The following CPNE8 variants were observed in gnomAD, a reference collection of about 807,000 sequenced individuals.
CPNE8 encodes the protein copine-8.
Under a neutral mutation model 81.5 loss-of-function variants are expected in CPNE8, and 45 were observed. The observed-to-expected ratio is 0.55, with a 90% CI of 0.44 to 0.71. The LOEUF (loss-of-function observed/expected upper bound fraction) is 0.71, where lower values mean the gene tolerates loss of function less well. Among genes scored for constraint, CPNE8 ranks in the 30% least tolerant of loss-of-function variants. The pLI, the probability that CPNE8 is intolerant of heterozygous loss-of-function variation, is 0.00. For synonymous variants in CPNE8, 252 were observed against 226.3 expected (o/e 1.11, Z -1.02); for missense variants, 594 against 672.1 (o/e 0.88, Z 1.28).
chr12:38,736,272 T>C (rs1024481000), intron 10 of CPNE8, among the ~76,000 whole-genome samples: 2 of 150,972 alleles, frequency 1.3e-5, no homozygotes, highest in African/African-American at 2.4e-5. Context: ...TAAATTTTAG[T>C]ATGTTAATAT....
chr12:38,781,786 C>T (rs1592083133), intron 6 of CPNE8, among the ~76,000 whole-genome samples: 1 of 152,178 alleles, frequency 6.6e-6, no homozygotes, highest in East Asian at 1.9e-4. Flanking sequence ...GAGAAAGACA[C>T]TTCACTCCTG....
At chr12:38,789,148 A>C (rs986180383) in intron 6 of CPNE8, among the ~76,000 whole-genome samples, 18 of 151,986 alleles carry the variant, frequency 1.2e-4, no homozygotes, top group African/African-American at 4.3e-4. Flanking sequence ...AGCCAAAACT[A>C]TCCTAAGCAA....
At chr12:38,813,954 C>T (rs1376259622) in intron 6 of CPNE8, among the ~76,000 whole-genome samples, 2 of 151,916 alleles carry the variant, frequency 1.3e-5, no homozygotes, top group Admixed American at 6.6e-5. Flanking sequence ...GTACATGACA[C>T]GGAGGAGGTC....
chr12:38,769,505 T>G (rs1941756540), intron 7 of CPNE8, among the ~76,000 whole-genome samples: 1 of 152,202 alleles, frequency 6.6e-6, no homozygotes, highest in Admixed American at 6.5e-5. Context: ...TTTGGTTTAG[T>G]TTGTTTATTT....
In CPNE8 at chr12:38,693,806, T is replaced by C; in HGVS notation, c.994A>G (p.Met332Val). The C allele has an allele frequency of 1.9e-6, 3 of 1,612,676 alleles. No homozygotes were observed. The highest frequency in any genetic ancestry group is 2.5e-6 in the Non-Finnish European group (3 of 1,179,360). ...NPAQPTSLHY[M>V]NPYQLNAYGM... ...TAGGCATTCAGTTGGTAAGGATTCA[T>C]GTAGTGGAGGGAAGTGGGCTGAGCA... The change falls in exon 15 of 20, where the codon ATG becomes GTG. Residue 332 changes from methionine (M) to valine (V), a missense_variant. Transcript: ENST00000331366.
intron 15 of CPNE8, among the ~76,000 whole-genome samples, chr12:38,686,117 C>T (rs546748588): frequency 6.6e-6 from 1 of 152,182 alleles, no homozygotes; most frequent in East Asian, 1.9e-4. Context: ...GAAATAAATG[C>T]TATCAATTCA....
intron 13 of CPNE8, among the ~76,000 whole-genome samples, chr12:38,715,142 G>A (rs1940355486): frequency 6.6e-6 from 1 of 152,048 alleles, no homozygotes; most frequent in African/African-American, 2.4e-5. Flanking sequence ...TTATTTCTGT[G>A]AATTTAATTG....
At chr12:38,810,349 GC>G (rs1286869214) in intron 6 of CPNE8, among the ~76,000 whole-genome samples, 1 of 152,154 alleles carries the variant, frequency 6.6e-6, no homozygotes, top group South Asian at 2.1e-4. Context: ...TTTTCAAAGA[GC>G]CTTTTGTGCA....
intron 1 of CPNE8, among the ~76,000 whole-genome samples, chr12:38,879,761 G>A (rs533385530): frequency 6.6e-6 from 1 of 152,126 alleles, no homozygotes; most frequent in South Asian, 2.1e-4. Context: ...AATAGTTTCA[G>A]AGTAAAGGCA....
chr12:38,808,085 T>A (rs201067651), intron 6 of CPNE8, among the ~76,000 whole-genome samples: 1 of 151,888 alleles, frequency 6.6e-6, no homozygotes, highest in Non-Finnish European at 1.5e-5. Flanking sequence ...ATGGCAATCA[T>A]TAAAAAGTCA....
chr12:38,740,767 A>G (rs1298409057), intron 10 of CPNE8, among the ~76,000 whole-genome samples: 2 of 152,150 alleles, frequency 1.3e-5, no homozygotes, highest in Admixed American at 6.5e-5. Flanking sequence ...ATAAGCTTTT[A>G]GATGTGCTGC....
At chr12:38,818,694 T>A (rs1333613110) in intron 6 of CPNE8, among the ~76,000 whole-genome samples, 1 of 152,200 alleles carries the variant, frequency 6.6e-6, no homozygotes, top group Non-Finnish European at 1.5e-5. Flanking sequence ...TCTAGATCTT[T>A]TAGGAATCCC....
chr12:38,856,374 T>G (rs1329657974), intron 3 of CPNE8, among the ~76,000 whole-genome samples: 1 of 152,118 alleles, frequency 6.6e-6, no homozygotes, highest in African/African-American at 2.4e-5. Flanking sequence ...AGCATTATCA[T>G]CATACCAAAG....
At chr12:38,662,470 A>C (rs946984261) in intron 19 of CPNE8, among the ~76,000 whole-genome samples, 3 of 152,186 alleles carry the variant, frequency 2.0e-5, no homozygotes, top group African/African-American at 7.2e-5. Flanking sequence ...TAAAAACTAT[A>C]AACCACTGAT....
intron 19 of CPNE8, among the ~76,000 whole-genome samples, chr12:38,654,837 C>G (rs1373861943): frequency 3.3e-5 from 5 of 151,980 alleles, no homozygotes; most frequent in Non-Finnish European, 7.4e-5. Context: ...TGAGTATTAC[C>G]CAATTCAGGG....
chr12:38,717,090 A>G (rs1592033224), intron 13 of CPNE8, among the ~76,000 whole-genome samples: 1 of 152,114 alleles, frequency 6.6e-6, no homozygotes, highest in African/African-American at 2.4e-5. Context: ...ATGATGAGAT[A>G]CCACCTTATT....
intron 8 of CPNE8, among the ~76,000 whole-genome samples, chr12:38,765,921 C>T (rs538044298): frequency 6.6e-6 from 1 of 151,734 alleles, no homozygotes; most frequent in Non-Finnish European, 1.5e-5. Flanking sequence ...TGCAATGGCA[C>T]GATCTTGGCT....
chr12:38,820,835 T>C (rs1175819291), intron 6 of CPNE8, among the ~76,000 whole-genome samples: 1 of 152,204 alleles, frequency 6.6e-6, no homozygotes, highest in Non-Finnish European at 1.5e-5. Context: ...CCAATCTGTA[T>C]GGCAACCTCA....
chr12:38,745,118 T>C (rs1941198610), intron 10 of CPNE8, among the ~76,000 whole-genome samples: 1 of 152,172 alleles, frequency 6.6e-6, no homozygotes, highest in South Asian at 2.1e-4. Context: ...TTCCACCATA[T>C]AATCTTGATC....
Sources: allele counts gnomAD v4.1 joint callset (sites outside exome capture counted in the v4.1 genomes callset), GRCh38; gene constraint gnomAD v4.1.1; transcripts MANE v1.5; gene names NCBI Gene and HGNC (gene_info 2026-07-23, HGNC 2026-07-21).